Variants in SEL1L3 observed in about 807,000 individuals in gnomAD.
SEL1L3 encodes protein sel-1 homolog 3.
In SEL1L3, 76 loss-of-function variants were observed where a neutral mutation model predicts 142.8. The ratio of observed to expected loss-of-function variants is 0.53; its 90% CI spans 0.44 to 0.64. SEL1L3 has a LOEUF of 0.64. Among genes scored for constraint, SEL1L3 ranks in the 30% least tolerant of loss-of-function variants. The pLI is 0.00. For synonymous variants in SEL1L3, 504 were observed against 519.6 expected (o/e 0.97, Z 0.41); for missense variants, 1,262 against 1,381.7 (o/e 0.91, Z 1.37).
the SEL1L3 span, among the ~76,000 whole-genome samples, chr4:25,724,112 G>A: frequency 6.6e-6 from 1 of 152,258 alleles, no homozygotes; most frequent in South Asian, 2.1e-4. Context: ...TTTCCAGAAT[G>A]GCAGGCTCAA....
the SEL1L3 span, among the ~76,000 whole-genome samples, chr4:25,724,047 G>C: frequency 1.3e-5 from 2 of 152,174 alleles, no homozygotes; most frequent in Non-Finnish European, 2.9e-5. Flanking sequence ...TCCACAGCCC[G>C]GTAGGGCCCC....
intron 9 of SEL1L3, among the ~76,000 whole-genome samples, chr4:25,814,797 G>GTT (rs35367626): frequency 0.1 from 15,429 of 148,414 alleles, 1,840 homozygotes; most frequent in African/African-American, 0.29. Context: ...CAAAATCAAG[G>GTT]TTTTTTTTTT....
chr4:25,754,669 C>A (rs1264757825), intron 23 of SEL1L3, among the ~76,000 whole-genome samples: 8 of 151,992 alleles, frequency 5.3e-5, no homozygotes, highest in Admixed American at 5.2e-4. Flanking sequence ...GCAGTGTGGG[C>A]ATCATCTAGG....
At chr4:25,821,875 G>A in intron 7 of SEL1L3, 121 bp downstream of exon 7, 1 of 1,002,130 alleles carries the variant, frequency 1.0e-6, no homozygotes, top group Non-Finnish European at 1.4e-6. Flanking sequence ...AATGATGTCT[G>A]ATGACAGAGG....
At chr4:25,715,730 G>C in the SEL1L3 span, among the ~76,000 whole-genome samples, 1 of 151,818 alleles carries the variant, frequency 6.6e-6, no homozygotes, top group Non-Finnish European at 1.5e-5. Context: ...ATATTATATA[G>C]CTATAAAACA....
chr4:25,842,544 A>C (rs1173261226), intron 2 of SEL1L3, among the ~76,000 whole-genome samples: 1 of 152,248 alleles, frequency 6.6e-6, no homozygotes, highest in Admixed American at 6.5e-5. Flanking sequence ...TGCAGCCTTA[A>C]CTAGCGCAGC....
chr4:25,840,309 T>G (rs1716090443), intron 2 of SEL1L3, among the ~76,000 whole-genome samples: 1 of 151,810 alleles, frequency 6.6e-6, no homozygotes, highest in Admixed American at 6.6e-5. Context: ...ACTAGGTCTG[T>G]TTTTTTTAAT....
intron 3 of SEL1L3, 62 bp from the exon 4 acceptor site, chr4:25,833,631 G>A: frequency 1.4e-6 from 2 of 1,424,762 alleles, no homozygotes; most frequent in East Asian, 2.5e-5. Context: ...AGGTAATTAT[G>A]GTTAACAATG....
At chr4:25,772,425 C>T (rs1719290085) in intron 17 of SEL1L3, among the ~76,000 whole-genome samples, 1 of 152,124 alleles carries the variant, frequency 6.6e-6, no homozygotes, top group Non-Finnish European at 1.5e-5. Context: ...AAACAATTGA[C>T]ATTGTCTTGT....
At chr4:25,747,162 T>G (rs11735719), downstream of SEL1L3, among the ~76,000 whole-genome samples, 1 of 152,110 alleles carries the variant, frequency 6.6e-6, no homozygotes, top group Non-Finnish European at 1.5e-5. Context: ...TAGCCTGGAA[T>G]GAACATAGAG....
intron 5 of SEL1L3, 142 bp from the exon 6 acceptor site, chr4:25,830,298 ACTAGC>A: frequency 1.8e-6 from 1 of 564,988 alleles, no homozygotes; most frequent in Non-Finnish European, 3.1e-6. Flanking sequence ...TTAACAGTTT[ACTAGC>A]CCTGTGCATA....
chr4:25,802,930 T>A (rs935082790), intron 10 of SEL1L3, among the ~76,000 whole-genome samples: 1 of 152,206 alleles, frequency 6.6e-6, no homozygotes, highest in African/African-American at 2.4e-5. Context: ...TTTACAAATT[T>A]CCAGCTAGCT....
At chr4:25,833,177 C>T (rs188687563) in intron 4 of SEL1L3, 67 bp from the exon 5 acceptor site, 633 of 932,660 alleles carry the variant, frequency 6.8e-4, no homozygotes, top group Non-Finnish European at 1.0e-3. Flanking sequence ...AGTAGCTAGG[C>T]CTTTTCAACA....
intron 9 of SEL1L3, among the ~76,000 whole-genome samples, chr4:25,807,567 A>G (rs564693017): frequency 2.0e-5 from 3 of 152,048 alleles, no homozygotes; most frequent in Non-Finnish European, 4.4e-5. Context: ...GCAAAGCAAC[A>G]TTAACATTTG....
chr4:25,862,647 G>T, intron 1 of SEL1L3, 28 bp downstream of exon 1: 2 of 1,220,748 alleles, frequency 1.6e-6, no homozygotes, highest in Non-Finnish European at 2.1e-6. Flanking sequence ...GCGCGGAGGG[G>T]AAGACCCGGG....
chr4:25,783,503 G>T (rs1419336452), intron 14 of SEL1L3, among the ~76,000 whole-genome samples: 1 of 152,228 alleles, frequency 6.6e-6, no homozygotes, highest in Non-Finnish European at 1.5e-5. Context: ...GGGCTACAAG[G>T]TGCCTTGTCT....
intron 23 of SEL1L3, among the ~76,000 whole-genome samples, chr4:25,751,003 T>C (rs1190492879): frequency 6.6e-6 from 1 of 152,194 alleles, no homozygotes; most frequent in Non-Finnish European, 1.5e-5. Context: ...AAAGTTGACA[T>C]GATACTAGTA....
chr4:25,803,918 G>A (rs907313648), intron 10 of SEL1L3, among the ~76,000 whole-genome samples: 4 of 152,044 alleles, frequency 2.6e-5, no homozygotes, highest in Middle Eastern at 6.8e-3. Flanking sequence ...GCTTGCAGAC[G>A]GCAGACTGTG....
At chr4:25,828,445 G>A (rs1049302835) in intron 6 of SEL1L3, among the ~76,000 whole-genome samples, 2 of 146,848 alleles carry the variant, frequency 1.4e-5, no homozygotes, top group Non-Finnish European at 3.0e-5. Flanking sequence ...GGAGTGCTGT[G>A]GTGGGATCTT....
Sources: gnomAD v4.1 joint callset for allele counts (sites outside exome capture counted in the v4.1 genomes callset) on GRCh38, gnomAD v4.1.1 for gene constraint, MANE v1.5 for transcripts, NCBI Gene and HGNC (gene_info 2026-07-23, HGNC 2026-07-21) for gene names.